ATP2B1: variants seen among roughly 807,000 people sequenced by gnomAD.
ATP2B1 encodes the protein plasma membrane calcium-transporting ATPase 1.
In ATP2B1, 14 loss-of-function variants were observed where a neutral mutation model predicts 124.2. That is an observed-to-expected ratio of 0.11 (90% CI 0.07 to 0.18). The LOEUF is 0.18. Ranked by LOEUF, ATP2B1 falls within the 10% of genes least tolerant of loss-of-function variation. The pLI is 1.00. For synonymous variants in ATP2B1, 449 were observed against 492.4 expected (o/e 0.91, Z 1.17); for missense variants, 763 against 1,466.1 (o/e 0.52, Z 7.83).
intron 6 of ATP2B1, among the ~76,000 whole-genome samples, chr12:89,629,184 T>G (rs1881437012): frequency 6.6e-6 from 1 of 152,078 alleles, no homozygotes; most frequent in Non-Finnish European, 1.5e-5. Flanking sequence ...TCTTGTGGAT[T>G]AGGATGGAGC....
intron 1 of ATP2B1, among the ~76,000 whole-genome samples, chr12:89,659,055 G>A (rs1260441104): frequency 1.3e-5 from 2 of 152,064 alleles, no homozygotes; most frequent in Non-Finnish European, 2.9e-5. Context: ...AAAATACGAA[G>A]GACAATAAAA....
chr12:89,695,979 A>G (rs1189564171), intron 1 of ATP2B1, among the ~76,000 whole-genome samples: 1 of 152,216 alleles, frequency 6.6e-6, no homozygotes, highest in African/African-American at 2.4e-5. Flanking sequence ...GTCCAGTGTC[A>G]GTGGATTCAA....
At chr12:89,627,221 G>A (rs570849206) in intron 7 of ATP2B1, among the ~76,000 whole-genome samples, 1 of 152,156 alleles carries the variant, frequency 6.6e-6, no homozygotes, top group South Asian at 2.1e-4. Context: ...CTGATCTCCT[G>A]TGATGCGGAA....
At chr12:89,639,362 G>C (rs2136223009) in intron 3 of ATP2B1, among the ~76,000 whole-genome samples, 1 of 152,080 alleles carries the variant, frequency 6.6e-6, no homozygotes, top group African/African-American at 2.4e-5. Flanking sequence ...AAATTAGCCA[G>C]GCATGGTGGC....
intron 2 of ATP2B1, among the ~76,000 whole-genome samples, chr12:89,649,735 G>C (rs1336315259): frequency 6.6e-6 from 1 of 152,196 alleles, no homozygotes; most frequent in African/African-American, 2.4e-5. Flanking sequence ...TTGGATGTCT[G>C]TTCCCTCCAA....
At chr12:89,607,632 C>T (rs1877171757) in intron 15 of ATP2B1, among the ~76,000 whole-genome samples, 1 of 152,156 alleles carries the variant, frequency 6.6e-6, no homozygotes, top group African/African-American at 2.4e-5. Flanking sequence ...TTGGATTACA[C>T]CATGAGATTC....
rs573270718 is a variant in ATP2B1, at chr12:89,674,938, G to A, written c.-221-18831C>T. Among the ~76,000 whole-genome samples the A allele has an allele frequency of 2.0e-4, 30 of 152,252 alleles. No individual in the cohort carries two copies. The East Asian group carries it at 3.5e-3, about 18-fold the overall frequency. ...GTTCACATTACTGAAAACACTAGCC[G>A]TTACATAAAGTATACTTGCTTGAAT... On this transcript the variant is annotated intron_variant, in intron 1 of 20. Coordinates refer to ENST00000428670, the MANE Select transcript of ATP2B1 (RefSeq NM_001366521.1).
chr12:89,606,991 A>T (rs1157468645), intron 15 of ATP2B1, among the ~76,000 whole-genome samples: 1 of 152,162 alleles, frequency 6.6e-6, no homozygotes. Context: ...TAACATTTCT[A>T]AAAGTAACTC....
At position 89,635,038 on chromosome 12, in the gene ATP2B1, A is replaced by G. The variant is rs1030345157; in HGVS notation, c.620T>C (p.Val207Ala). Residue 207 changes from valine (V) to alanine (A), a missense_variant, in exon 4 of 21, where the codon GTA (valine) becomes GCA (alanine). Around this residue, in one of 7 missense-constraint regions of ATP2B1, gnomAD observed 392 missense variants for 776.6 expected, o/e 0.50. Coordinates refer to ENST00000428670, the MANE Select transcript of ATP2B1 (RefSeq NM_001366521.1). The part of the protein sequence containing the change: ...IRGGQVIQIP[V>A]ADITVGDIAQ... ...AATATCTCCAACAGTAATGTCAGCT[A>G]CAGGTATCTGAATGACCTGACCACC... is the stretch of plus-strand genomic sequence containing the variant. 1.2e-6 allele frequency: 2 copies of G among 1,613,904 alleles called. No homozygotes were observed. Among genetic ancestry groups the G allele is most frequent in the African/African-American group, 2.7e-5 (2 of 74,934 alleles).
chr12:89,593,105 C>CTA (rs1873902158), intron 20 of ATP2B1, among the ~76,000 whole-genome samples: 1 of 151,936 alleles, frequency 6.6e-6, no homozygotes, highest in Non-Finnish European at 1.5e-5. Flanking sequence ...TTCCCCTTTA[C>CTA]TAAGATGTAA....
Position 89,589,092 on chromosome 12 carries a change from C to T in ATP2B1, c.*1892G>A, listed in dbSNP as rs952877920. The T allele has an allele frequency of 6.6e-6, 1 of 152,536 alleles. No homozygotes were observed. The highest frequency in any genetic ancestry group is 2.4e-5 in the African/African-American group (1 of 41,424). 9.4% of individuals were successfully genotyped at this position (152,536 alleles called of 1,614,324 possible). On this transcript the variant is annotated 3_prime_UTR_variant, in exon 21 of 21. Coordinates refer to ENST00000428670, the MANE Select transcript of ATP2B1 (RefSeq NM_001366521.1). ...TATAAATACCTGATGAATAAATGTACAATTACAAATGCTGACAGAGCCAAT... is the reference window on the plus strand; with the variant it reads ...TATAAATACCTGATGAATAAATGTATAATTACAAATGCTGACAGAGCCAAT...
chr12:89,689,297 A>G (rs1260694906), intron 1 of ATP2B1, among the ~76,000 whole-genome samples: 1 of 152,156 alleles, frequency 6.6e-6, no homozygotes, highest in Non-Finnish European at 1.5e-5. Flanking sequence ...ACTAAAAAAA[A>G]TTATTCACTG....
intron 12 of ATP2B1, 54 bp downstream of exon 12, chr12:89,616,748 G>A (rs1879042589): frequency 6.6e-7 from 1 of 1,521,484 alleles, no homozygotes; most frequent in Non-Finnish European, 9.1e-7. Flanking sequence ...TTAAGGCCTA[G>A]GTCCTCTATA....
intron 1 of ATP2B1, among the ~76,000 whole-genome samples, chr12:89,697,975 C>G (rs1891371556): frequency 6.6e-6 from 1 of 152,036 alleles, no homozygotes; most frequent in South Asian, 2.1e-4. Flanking sequence ...TGGGCTCAAA[C>G]AATTCTCCTG....
At chr12:89,657,385 T>C (rs1004239853) in intron 1 of ATP2B1, among the ~76,000 whole-genome samples, 1 of 152,344 alleles carries the variant, frequency 6.6e-6, no homozygotes, top group Non-Finnish European at 1.5e-5. Flanking sequence ...ATAGGCATCA[T>C]GCCACTAAAT....
At chr12:89,682,224 T>C (rs1889444052) in intron 1 of ATP2B1, among the ~76,000 whole-genome samples, 1 of 152,106 alleles carries the variant, frequency 6.6e-6, no homozygotes, top group African/African-American at 2.4e-5. Flanking sequence ...ACCTGAAATA[T>C]AACATGGTAG....
At chr12:89,673,346 A>G (rs147451954) in intron 1 of ATP2B1, among the ~76,000 whole-genome samples, 14 of 152,348 alleles carry the variant, frequency 9.2e-5, no homozygotes, top group African/African-American at 3.1e-4. Context: ...TGTTTCACAG[A>G]ATAATATATG....
intron 12 of ATP2B1, among the ~76,000 whole-genome samples, chr12:89,615,755 C>T (rs117765395): frequency 4.2e-4 from 64 of 152,142 alleles, no homozygotes; most frequent in Non-Finnish European, 8.8e-4. Context: ...GTGGTCAATA[C>T]AGTACAGTAG....
chr12:89,644,729 TTA>T (rs1250180051), intron 2 of ATP2B1, among the ~76,000 whole-genome samples: 5 of 152,144 alleles, frequency 3.3e-5, no homozygotes, highest in Admixed American at 6.5e-5. Context: ...GAGATAGTGG[TTA>T]TATGAGCCTA....
Sources: allele counts gnomAD v4.1 joint callset (sites outside exome capture counted in the v4.1 genomes callset), GRCh38; gene constraint gnomAD v4.1.1; regional missense constraint gnomAD v4.1.1; transcripts MANE v1.5; gene names NCBI Gene and HGNC (gene_info 2026-07-23, HGNC 2026-07-21).